Variants in STPG2 observed in about 807,000 individuals in gnomAD.
STPG2 encodes sperm tail PG-rich repeat containing 2, also known as sperm-tail PG-rich repeat-containing protein 2.
A neutral mutation model predicts 54.2 loss-of-function variants in STPG2; 56 were observed. The observed-to-expected ratio is 1.03, with a 90% CI of 0.83 to 1.29. STPG2 has a LOEUF of 1.29. STPG2 is among the 50% of genes most tolerant of loss of function. STPG2 has a pLI of 0.00. For missense variants in STPG2, 596 were observed against 544.9 expected, an observed-to-expected ratio of 1.09 and a Z score of -0.93; for synonymous variants, 200 against 181.8, an observed-to-expected ratio of 1.10 and a Z score of -0.81.
At chr4:97,628,241 A>G (rs1476247599) in intron 10 of STPG2, among the ~76,000 whole-genome samples, 2 of 152,140 alleles carry the variant, frequency 1.3e-5, no homozygotes, top group African/African-American at 2.4e-5. Context: ...TAGCAGGATT[A>G]TCAGTAAGAA....
intron 5 of STPG2, among the ~76,000 whole-genome samples, chr4:98,021,711 T>C (rs1736204358): frequency 6.6e-6 from 1 of 151,922 alleles, no homozygotes; most frequent in East Asian, 1.9e-4. Context: ...CTGTATTGGG[T>C]GCATATATAT....
At chr4:97,462,723 T>C (rs1729694593) in intron 4 of STPG2, among the ~76,000 whole-genome samples, 1 of 152,106 alleles carries the variant, frequency 6.6e-6, no homozygotes, top group South Asian at 2.1e-4. Flanking sequence ...TTTTAATTTA[T>C]TTTTGTTCAC....
intron 5 of STPG2, among the ~76,000 whole-genome samples, chr4:98,007,932 A>C (rs577388001): frequency 6.6e-6 from 1 of 152,280 alleles, no homozygotes; most frequent in African/African-American, 2.4e-5. Context: ...CAATAAACAA[A>C]GCCTTTGAGA....
intron 9 of STPG2, among the ~76,000 whole-genome samples, chr4:97,730,702 AG>A (rs1724770388): frequency 6.6e-6 from 1 of 152,140 alleles, no homozygotes; most frequent in Admixed American, 6.5e-5. Context: ...TAGTTCTGAA[AG>A]GTTTTGTTCA....
At chr4:98,029,881 C>G (rs1057028883) in intron 5 of STPG2, among the ~76,000 whole-genome samples, 5 of 152,128 alleles carry the variant, frequency 3.3e-5, no homozygotes, top group African/African-American at 9.7e-5. Flanking sequence ...AGTAGAAAGG[C>G]CAAAGTAACA....
intron 5 of STPG2, among the ~76,000 whole-genome samples, chr4:98,048,181 A>G (rs1337484891): frequency 1.3e-5 from 2 of 152,226 alleles, no homozygotes; most frequent in African/African-American, 2.4e-5. Context: ...CAGCTTGGAA[A>G]GGATGAAGCA....
intron 10 of STPG2, among the ~76,000 whole-genome samples, chr4:97,699,345 T>C (rs944655002): frequency 6.6e-6 from 1 of 152,158 alleles, no homozygotes; most frequent in Non-Finnish European, 1.5e-5. Flanking sequence ...GGTCATACTA[T>C]CCAATTGATT....
Position 97,973,686 on chromosome 4 carries a change from C to T in STPG2, c.773-1246G>A, listed in dbSNP as rs950803967. ...GCTCCTGGTGCTATGTGCATCGTAA[C>T]GACTTGGTGCCTTGCATCCCAGCCA... On this transcript the variant is annotated intron_variant, in intron 6 of 10. Coordinates refer to ENST00000295268, the MANE Select transcript of STPG2 (RefSeq NM_174952.3). Among the ~76,000 whole-genome samples, 5 of 152,162 alleles carry T rather than the reference C, an allele frequency of 3.3e-5. 1 individual carries two copies. The highest frequency in any genetic ancestry group is 2.1e-4 in the South Asian group (1 of 4,828).
At chr4:97,555,122 C>T (rs902217734), downstream of STPG2, among the ~76,000 whole-genome samples, 1 of 152,102 alleles carries the variant, frequency 6.6e-6, no homozygotes, top group African/African-American at 2.4e-5. Flanking sequence ...ATACTTCTCC[C>T]TTGTTCTATG....
At chr4:97,879,789 T>C (rs1391888726) in intron 8 of STPG2, among the ~76,000 whole-genome samples, 3 of 152,090 alleles carry the variant, frequency 2.0e-5, no homozygotes, top group Non-Finnish European at 4.4e-5. Flanking sequence ...AGAATGGTAA[T>C]CAAATGAAAG....
chr4:98,122,541 T>C (rs1327899270), intron 3 of STPG2, among the ~76,000 whole-genome samples: 1 of 152,190 alleles, frequency 6.6e-6, no homozygotes, highest in African/African-American at 2.4e-5. Flanking sequence ...AACTTGATCA[T>C]GGTGGATAAG....
intron 8 of STPG2, among the ~76,000 whole-genome samples, chr4:97,850,742 T>C (rs1262031833): frequency 6.6e-6 from 1 of 152,140 alleles, no homozygotes; most frequent in Non-Finnish European, 1.5e-5. Flanking sequence ...TTTCTTTGCA[T>C]TGGTTAAAAC....
rs78777269 is a variant in STPG2 at position 97,630,764 on chromosome 4, T to A, written c.1321-71647A>T. Among the ~76,000 whole-genome samples the A allele has an allele frequency of 3.9e-3, 593 of 151,892 alleles. 4 individuals carry two copies. Among genetic ancestry groups the A allele is most frequent in the African/African-American group, 0.014 (566 of 41,530 alleles). Reference sequence around the variant, plus strand: ...GCTCTATTAAAGGAGGTAGTCAATCTCAAGGTGGCTTCTCATGTTTGTTTT... The same window carrying A: ...GCTCTATTAAAGGAGGTAGTCAATCACAAGGTGGCTTCTCATGTTTGTTTT... On this transcript the variant is annotated intron_variant, in intron 10 of 10. Coordinates refer to ENST00000295268, the MANE Select transcript of STPG2 (RefSeq NM_174952.3).
chr4:97,820,649 C>G lies in STPG2; in HGVS notation c.1204+20124G>C, dbSNP rs868813547. ...TTTATAAAGAAAAGAAGCTTAATTGCTTAACAGTTCTGCAAGCTGCAGAAG... is the reference window on the plus strand; with the variant it reads ...TTTATAAAGAAAAGAAGCTTAATTGGTTAACAGTTCTGCAAGCTGCAGAAG... On this transcript the variant is annotated intron_variant, in intron 9 of 10. Coordinates refer to ENST00000295268, the MANE Select transcript of STPG2 (RefSeq NM_174952.3). Among the ~76,000 whole-genome samples the G allele has an allele frequency of 7.2e-5, 11 of 152,274 alleles. No homozygotes were observed. The South Asian group carries it at 8.3e-4, about 11-fold the overall frequency.
intron 8 of STPG2, among the ~76,000 whole-genome samples, chr4:97,910,683 C>T (rs1173283182): frequency 6.6e-6 from 1 of 151,986 alleles, no homozygotes; most frequent in Non-Finnish European, 1.5e-5. Context: ...AAGTACTCAT[C>T]ATAACAATAA....
At chr4:98,069,579 T>C (rs965921976) in intron 5 of STPG2, among the ~76,000 whole-genome samples, 13 of 152,016 alleles carry the variant, frequency 8.6e-5, no homozygotes, top group Non-Finnish European at 4.4e-5. Flanking sequence ...GGCAAAAACG[T>C]GTGCTGCTTA....
At chr4:97,967,507 C>A (rs1734151178) in intron 7 of STPG2, among the ~76,000 whole-genome samples, 1 of 152,058 alleles carries the variant, frequency 6.6e-6, no homozygotes. Flanking sequence ...ACCAAGCAGA[C>A]CTAATAGACA....
At position 98,025,773 on chromosome 4, in the gene STPG2, A is replaced by T. The variant is rs193301527; in HGVS notation, c.613-44455T>A. ...CAAGTGGAGGTGACTGGCGATGAATACAATGTGGAAAGCATTGATGGTCCG... is the reference window on the plus strand; with the variant it reads ...CAAGTGGAGGTGACTGGCGATGAATTCAATGTGGAAAGCATTGATGGTCCG... On this transcript the variant is annotated intron_variant, in intron 5 of 10. Transcript: ENST00000295268. The T allele has an allele frequency of 1.3e-5, 21 of 1,570,200 alleles. No individual in the cohort carries two copies. The East Asian group carries it at 4.2e-4, about 32-fold the overall frequency.
At chr4:97,966,413 G>A (rs534810991) in intron 7 of STPG2, among the ~76,000 whole-genome samples, 334 of 152,312 alleles carry the variant, frequency 2.2e-3, no homozygotes, top group African/African-American at 7.6e-3. Context: ...GTACCAGAAA[G>A]TGATGAGGAG....
Sources: gnomAD v4.1 joint callset for allele counts (sites outside exome capture counted in the v4.1 genomes callset) on GRCh38, gnomAD v4.1.1 for gene constraint, MANE v1.5 for transcripts, NCBI Gene and HGNC (gene_info 2026-07-23, HGNC 2026-07-21) for gene names.